The following RARB variants were observed in gnomAD, a reference collection of about 807,000 sequenced individuals.
The protein encoded by RARB is retinoic acid receptor beta.
A neutral mutation model predicts 51.9 loss-of-function variants in RARB; 17 were observed. That is an observed-to-expected ratio of 0.33 (90% CI 0.22 to 0.49). The LOEUF (loss-of-function observed/expected upper bound fraction) is 0.49. RARB is among the 20% of genes least tolerant of loss of function. The pLI, the probability that RARB is intolerant of heterozygous loss-of-function variation, is 0.99. For missense variants in RARB, 369 were observed against 550.8 expected, an observed-to-expected ratio of 0.67 and a Z score of 3.30; for synonymous variants, 215 against 195.4, an observed-to-expected ratio of 1.10 and a Z score of -0.84.
chr3:25,333,213 T>C (rs9852354), intron 5 of RARB, among the ~76,000 whole-genome samples: 21,079 of 151,712 alleles, frequency 0.14, 1,613 homozygotes, highest in African/African-American at 0.2. Context: ...GAGCCCGCAT[T>C]GCCAAGTCAA....
chr3:25,311,631 A>G (rs1289041263), intron 5 of RARB, among the ~76,000 whole-genome samples: 1 of 152,240 alleles, frequency 6.6e-6, no homozygotes, highest in Non-Finnish European at 1.5e-5. Context: ...CCTCAAAGGA[A>G]GCAGGGTGAG....
chr3:24,934,233 A>G (rs1695502922), intron 2 of RARB, among the ~76,000 whole-genome samples: 1 of 152,122 alleles, frequency 6.6e-6, no homozygotes, highest in African/African-American at 2.4e-5. Flanking sequence ...TCCTAGAGTG[A>G]AAATTCAAAT....
At position 25,311,399 on chromosome 3, in the gene RARB, G is replaced by A. The variant is rs567170585; in HGVS notation, c.178+136824G>A. On this transcript the variant is annotated intron_variant, in intron 5 of 11. Coordinates refer to the RARB transcript ENST00000383772. ...CTAGCCATCCATACTGTTTGGGTCG[G>A]TACTAAAGGATATCTTCATATCCTC... 1.6e-3 allele frequency among the ~76,000 whole-genome samples: 237 copies of A among 152,328 alleles called. 1 individual carries two copies. Among genetic ancestry groups the A allele is most frequent in the Non-Finnish European group, 1.8e-3 (124 of 68,024 alleles).
At chr3:25,316,330 C>T (rs975407893) in intron 5 of RARB, among the ~76,000 whole-genome samples, 1 of 151,894 alleles carries the variant, frequency 6.6e-6, no homozygotes, top group African/African-American at 2.4e-5. Flanking sequence ...TATGGGTGAG[C>T]ACAAACCACA....
rs1559477469 is a variant in RARB at position 25,130,904 on chromosome 3, TATTGATAA to T, written c.-327-1256_-327-1249del. On this transcript the variant is annotated intron_variant, in intron 3 of 11. Transcript: ENST00000383772. ...TATTTATTATTGATAATATCAATAT[TATTGATAA>T]TATTATCAATATTTATCATTGATAA... Among the ~76,000 whole-genome samples, 313 of 38,404 alleles carry T rather than the reference TATTGATAA, an allele frequency of 8.2e-3. 1 individual carries two copies. The highest frequency in any genetic ancestry group is 0.03 in the Middle Eastern group (2 of 66). The allele number at this position is 38,404 out of a possible 152,430, so 25.2% of individuals were successfully genotyped here. A position where few individuals can be genotyped will look rare whatever the true frequency, so the allele number is the denominator to read the frequency against.
intron 3 of RARB, among the ~76,000 whole-genome samples, chr3:25,503,235 G>A (rs1421858636): frequency 6.6e-6 from 1 of 152,216 alleles, no homozygotes; most frequent in East Asian, 1.9e-4. Context: ...GAGAAAAGCA[G>A]GATAACCTGA....
At chr3:25,339,084 C>T (rs975599768) in intron 5 of RARB, among the ~76,000 whole-genome samples, 2 of 152,158 alleles carry the variant, frequency 1.3e-5, no homozygotes, top group South Asian at 4.1e-4. Flanking sequence ...TCAAGACTAG[C>T]TTAACAGAAA....
intron 3 of RARB, among the ~76,000 whole-genome samples, chr3:25,550,093 T>C (rs1167030150): frequency 1.4e-5 from 2 of 139,980 alleles, no homozygotes; most frequent in Non-Finnish European, 3.3e-5. Context: ...TACTGTCTTA[T>C]GGTACTCAAA....
At chr3:25,231,177 T>C (rs13097976) in intron 5 of RARB, among the ~76,000 whole-genome samples, 71,334 of 151,928 alleles carry the variant, frequency 0.47, 17,894 homozygotes, top group East Asian at 0.69. Context: ...TTAAGTGTTA[T>C]GCAAAACAAT....
intron 3 of RARB, among the ~76,000 whole-genome samples, chr3:25,557,706 G>C (rs572099243): frequency 6.6e-6 from 1 of 152,220 alleles, no homozygotes; most frequent in South Asian, 2.1e-4. Flanking sequence ...CTACTTCAGT[G>C]GTCCCTATAC....
At chr3:25,458,049 T>C (rs1695002702) in intron 1 of RARB, among the ~76,000 whole-genome samples, 1 of 151,308 alleles carries the variant, frequency 6.6e-6, no homozygotes, top group Non-Finnish European at 1.5e-5. Flanking sequence ...TATCAGGGAG[T>C]GTAAATCTAC....
chr3:24,846,921 A>G (rs1022097627), intron 1 of RARB, among the ~76,000 whole-genome samples: 5 of 152,098 alleles, frequency 3.3e-5, no homozygotes, highest in Non-Finnish European at 7.4e-5. Context: ...TTGCTCAATG[A>G]GAAGATTAAG....
intron 5 of RARB, among the ~76,000 whole-genome samples, chr3:25,188,314 G>A (rs968273893): frequency 1.3e-5 from 2 of 152,052 alleles, no homozygotes; most frequent in African/African-American, 4.8e-5. Context: ...CTAAATGTTT[G>A]TTGTATAAAT....
At chr3:25,404,886 C>G (rs1293833176) in intron 5 of RARB, among the ~76,000 whole-genome samples, 1 of 152,174 alleles carries the variant, frequency 6.6e-6, no homozygotes, top group Non-Finnish European at 1.5e-5. Flanking sequence ...AATTTACTCG[C>G]TACTTTTTTT....
In RARB at chr3:25,501,331, G is replaced by C. The variant is rs41285065; in HGVS notation, c.448+8G>C. 1.2e-6 allele frequency: 2 copies of C among 1,606,554 alleles called. No homozygotes were observed. Among genetic ancestry groups the C allele is most frequent in the Non-Finnish European group, 1.7e-6 (2 of 1,178,220 alleles). ...TGGGAATGTCCAAAGAATGTAAGTG[G>C]AGTCTCAAAAAACTTTTTCCCTGTT... On this transcript the variant is annotated splice_region_variant and intron_variant, in intron 3 of 7. Coordinates refer to ENST00000330688, the MANE Select transcript of RARB (RefSeq NM_000965.5).
intron 5 of RARB, among the ~76,000 whole-genome samples, chr3:25,319,485 T>C (rs1254864880): frequency 1.3e-5 from 2 of 152,160 alleles, no homozygotes; most frequent in Non-Finnish European, 2.9e-5. Flanking sequence ...TCTCAACACA[T>C]TGTTAGTTTA....
intron 4 of RARB, 142 bp downstream of exon 4, chr3:25,570,060 C>A: frequency 1.6e-6 from 2 of 1,232,104 alleles, no homozygotes; most frequent in Non-Finnish European, 2.2e-6. Context: ...TGCTAGCCAG[C>A]TGGGGCTATG....
At chr3:25,475,407 G>T (rs1394756855) in intron 2 of RARB, among the ~76,000 whole-genome samples, 1 of 151,972 alleles carries the variant, frequency 6.6e-6, no homozygotes, top group Non-Finnish European at 1.5e-5. Flanking sequence ...ACAAAGGGGG[G>T]GGGATCCCCT....
chr3:25,369,511 G>T (rs183409820), intron 5 of RARB, among the ~76,000 whole-genome samples: 1 of 152,316 alleles, frequency 6.6e-6, no homozygotes, highest in East Asian at 1.9e-4. Context: ...CCATGGCAAA[G>T]AAATATTTGG....
Sources: gnomAD v4.1 joint callset for allele counts (sites outside exome capture counted in the v4.1 genomes callset) on GRCh38, gnomAD v4.1.1 for gene constraint, MANE v1.5 for transcripts, NCBI Gene and HGNC (gene_info 2026-07-23, HGNC 2026-07-21) for gene names.